Variants in ASIP observed in about 807,000 individuals in gnomAD.
ASIP encodes agouti signaling protein, also known as agouti-signaling protein.
ASIP carries 11 observed loss-of-function variants against 10.3 expected under a neutral mutation model. The observed-to-expected ratio is 1.07, with a 90% CI of 0.68 to 1.78. The LOEUF (loss-of-function observed/expected upper bound fraction) is 1.78. Among genes scored for constraint, ASIP ranks in the 40% most tolerant of loss-of-function variants. ASIP has a pLI of 0.00. For missense variants in ASIP, 180 were observed against 169.2 expected (o/e 1.06, Z -0.35); for synonymous variants, 70 against 70.8 (o/e 0.99, Z 0.06).
intron 1 of ASIP, among the ~76,000 whole-genome samples, chr20:34,216,906 T>C (rs1009338758): frequency 4.6e-5 from 7 of 152,314 alleles, no homozygotes; most frequent in African/African-American, 7.2e-5. Context: ...TTTAGAACCA[T>C]GTTGTCAATT....
rs2034913152 is a variant in ASIP, at chr20:34,203,366, ATTTAT to A, written c.-11+8612_-11+8616del. On this transcript the variant is annotated intron_variant, in intron 1 of 3. Transcript: ENST00000568305. ...TTGGATTTATTCCCAATTATTTTCT[ATTTAT>A]TTTATAAGTGGCATATATATATGTA... Among the ~76,000 whole-genome samples, 4 of 151,752 alleles carry A rather than the reference ATTTAT, an allele frequency of 2.6e-5. No homozygotes were observed. The South Asian group carries it at 6.2e-4, about 24-fold the overall frequency.
chr20:34,253,822 G>A (rs970138098), intron 1 of ASIP, among the ~76,000 whole-genome samples: 1 of 152,094 alleles, frequency 6.6e-6, no homozygotes, highest in Non-Finnish European at 1.5e-5. Context: ...CCATTTAAAT[G>A]ACAGGTTCAT....
intron 1 of ASIP, among the ~76,000 whole-genome samples, chr20:34,251,839 GCTGT>G (rs1189162005): frequency 6.6e-6 from 1 of 152,080 alleles, no homozygotes; most frequent in Non-Finnish European, 1.5e-5. Flanking sequence ...AGAGATGATG[GCTGT>G]CTATGAAGAA....
Position 34,235,900 on chromosome 20 carries a change from A to AGC in ASIP, c.-10-24465_-10-24464insGC, listed in dbSNP as rs1568756565. ...AAGGAAGGAAGGAAGGAAGGAAGGAAAGGAAGGAAGGAAGGAAGGAAGGAA... is the reference window on the plus strand; with the variant it reads ...AAGGAAGGAAGGAAGGAAGGAAGGAAGCAGGAAGGAAGGAAGGAAGGAAGGAA... On this transcript the variant is annotated intron_variant, in intron 1 of 3. Transcript: ENST00000568305. 2.5e-4 allele frequency among the ~76,000 whole-genome samples: 18 copies of AGC among 73,312 alleles called. 1 individual carries two copies. The African/African-American group carries it at 4.1e-3, about 17-fold the overall frequency. The allele number at this position is 73,312 out of a possible 152,430, so 48.1% of individuals were successfully genotyped here. A position where few individuals can be genotyped will look rare whatever the true frequency, so the allele number is the denominator to read the frequency against.
chr20:34,217,052 G>T (rs2035013419), intron 1 of ASIP, among the ~76,000 whole-genome samples: 1 of 152,128 alleles, frequency 6.6e-6, no homozygotes, highest in Non-Finnish European at 1.5e-5. Context: ...AAGTGTCTGA[G>T]GAAGTCAAAG....
At chr20:34,192,521 C>CA (rs2034830413), upstream of ASIP, among the ~76,000 whole-genome samples, 1 of 141,750 alleles carries the variant, frequency 7.1e-6, no homozygotes, top group Non-Finnish European at 1.5e-5. Flanking sequence ...TTTTCTTCTT[C>CA]TTTTTTTTTT....
intron 1 of ASIP, among the ~76,000 whole-genome samples, chr20:34,200,990 TTCCTTCCTTCCTTCCTTCCTTCCTTCC>T (rs2034890626): frequency 1.8e-5 from 1 of 55,854 alleles, no homozygotes; most frequent in Non-Finnish European, 2.9e-5. Context: ...CCTTCCTTCC[TTCCTTCCTTCCTTCCTTCCTTCCTTCC>T]TTCTTTCTTT....
intron 1 of ASIP, among the ~76,000 whole-genome samples, chr20:34,209,933 C>G (rs574407892): frequency 6.6e-6 from 1 of 152,288 alleles, no homozygotes; most frequent in African/African-American, 2.4e-5. Flanking sequence ...CCCATGGCTG[C>G]CCATGGACCA....
upstream of ASIP, among the ~76,000 whole-genome samples, chr20:34,238,696 AT>A (rs1490642673): frequency 6.6e-6 from 1 of 151,454 alleles, no homozygotes; most frequent in Non-Finnish European, 1.5e-5. Flanking sequence ...AATGTGCCAT[AT>A]TTTTTCTTTT....
At chr20:34,205,549 T>A (rs997763937) in intron 1 of ASIP, among the ~76,000 whole-genome samples, 26 of 150,852 alleles carry the variant, frequency 1.7e-4, no homozygotes, top group Non-Finnish European at 3.1e-4. Flanking sequence ...GAACAAAGCT[T>A]CCACAGCGTG....
intron 1 of ASIP, among the ~76,000 whole-genome samples, chr20:34,201,005 CTTCCTTCCTTCCTTCT>C (rs2034891372): frequency 6.6e-5 from 4 of 60,934 alleles, no homozygotes; most frequent in African/African-American, 4.2e-4. Flanking sequence ...TCCTTCCTTC[CTTCCTTCCTTCCTTCT>C]TTCTTTCTTT....
Position 34,269,218 on chromosome 20 carries a change from C to G in ASIP, c.*51C>G, listed in dbSNP as rs1411930029. The G allele has an allele frequency of 1.4e-6, 2 of 1,437,612 alleles. No individual in the cohort carries two copies. The highest frequency in any genetic ancestry group is 5.3e-5 in the Admixed American group (2 of 37,568). 89.1% of individuals were successfully genotyped at this position (1,437,612 alleles called of 1,614,324 possible). ...GGCAGGGCTTCGGGGACGCGGGGCG[C>G]TTCTCGGGCGGGTGATCCCTAACAG... On this transcript the variant is annotated 3_prime_UTR_variant, in exon 4 of 4. Transcript: ENST00000374954.
intron 1 of ASIP, among the ~76,000 whole-genome samples, chr20:34,255,405 C>T (rs753491946): frequency 9.9e-5 from 15 of 152,094 alleles, no homozygotes; most frequent in Non-Finnish European, 1.9e-4. Context: ...AATCCTCCCT[C>T]CCACCTCACC....
chr20:34,258,705 T>TATATATATATATATACAC (rs2035625711), intron 1 of ASIP, among the ~76,000 whole-genome samples: 1 of 95,718 alleles, frequency 1.0e-5, no homozygotes, highest in Non-Finnish European at 2.0e-5. Flanking sequence ...ACTATATATA[T>TATATATATATATATACAC]ATATTATATA....
At chr20:34,245,728 C>A (rs2035363517) in intron 1 of ASIP, among the ~76,000 whole-genome samples, 1 of 151,874 alleles carries the variant, frequency 6.6e-6, no homozygotes, top group South Asian at 2.1e-4. Context: ...TCTATTCATG[C>A]ATGAGCATGA....
intron 1 of ASIP, among the ~76,000 whole-genome samples, chr20:34,217,654 T>C (rs1429434157): frequency 2.0e-5 from 3 of 151,856 alleles, no homozygotes; most frequent in African/African-American, 7.2e-5. Flanking sequence ...CTCCGCCTCT[T>C]GGGTTCACGC....
chr20:34,242,880 G>A (rs2035305633), intron 1 of ASIP, among the ~76,000 whole-genome samples: 1 of 152,206 alleles, frequency 6.6e-6, no homozygotes, highest in Admixed American at 6.5e-5. Context: ...AAGGAATTCA[G>A]AAATCAAAAG....
chr20:34,244,976 G>A (rs2035344993), intron 1 of ASIP, among the ~76,000 whole-genome samples: 2 of 152,154 alleles, frequency 1.3e-5, no homozygotes, highest in African/African-American at 4.8e-5. Flanking sequence ...CTTTAGATCA[G>A]TAAAATAATC....
chr20:34,203,807 T>C (rs2034916885), intron 1 of ASIP, among the ~76,000 whole-genome samples: 1 of 152,272 alleles, frequency 6.6e-6, no homozygotes, highest in African/African-American at 2.4e-5. Context: ...CACTGCAACC[T>C]CTGCCTCCTA....
Sources: gnomAD v4.1 joint callset for allele counts (sites outside exome capture counted in the v4.1 genomes callset) on GRCh38, gnomAD v4.1.1 for gene constraint, MANE v1.5 for transcripts, NCBI Gene and HGNC (gene_info 2026-07-23, HGNC 2026-07-21) for gene names.